KNL1: variants seen among roughly 807,000 people sequenced by gnomAD.
KNL1 encodes outer kinetochore KNL1 complex subunit KNL1.
KNL1 carries 66 observed loss-of-function variants against 201.3 expected under a neutral mutation model. The ratio of observed to expected loss-of-function variants is 0.33; its 90% CI spans 0.27 to 0.40. The LOEUF (loss-of-function observed/expected upper bound fraction) is 0.40, where lower values mean the gene tolerates loss of function less well. Among genes scored for constraint, KNL1 ranks in the 10% least tolerant of loss-of-function variants. The pLI is 1.00. For synonymous variants in KNL1, 895 were observed against 899.2 expected, an observed-to-expected ratio of 1.00 and a Z score of 0.08; for missense variants, 2,815 against 2,690.5, an observed-to-expected ratio of 1.05 and a Z score of -1.02.
intron 7 of KNL1, among the ~76,000 whole-genome samples, chr15:40,614,000 G>A (rs931706576): frequency 1.3e-5 from 2 of 151,016 alleles, no homozygotes; most frequent in Non-Finnish European, 2.9e-5. Context: ...GGGTTTCACT[G>A]TGTTAGCCAG....
chr15:40,618,333 T>G (rs1892410166), intron 8 of KNL1, among the ~76,000 whole-genome samples: 1 of 152,116 alleles, frequency 6.6e-6, no homozygotes, highest in Admixed American at 6.6e-5. Flanking sequence ...ACTATTTTTC[T>G]AAAATGCATT....
At chr15:40,632,785 C>T (rs1488045077) in intron 13 of KNL1, among the ~76,000 whole-genome samples, 3 of 151,606 alleles carry the variant, frequency 2.0e-5, no homozygotes. Context: ...TTTGAGGGGC[C>T]TAGACTAGAG....
rs1270581748 is a variant in KNL1 at position 40,621,988 on chromosome 15, C to A, written c.1724C>A (p.Thr575Asn). Reference protein sequence around the residue: ...ELLSGENMDLTESHTSNLGSQ... With the variant: ...ELLSGENMDLNESHTSNLGSQ... ...TTATCAGGTGAAAATATGGATTTGACTGAAAGTCACACAAGTAACTTAGGA... is the reference window on the plus strand; with the variant it reads ...TTATCAGGTGAAAATATGGATTTGAATGAAAGTCACACAAGTAACTTAGGA... The change falls in exon 10 of 26, where the codon ACT (threonine) becomes AAT (asparagine). Residue 575 changes from threonine to asparagine, a missense_variant. Physicochemically the swap from Thr to Asn is moderately conservative, Grantham distance 65. Around this residue, in one of 3 missense-constraint regions of KNL1, gnomAD observed 2,464 missense variants for 2,291.7 expected, o/e 1.08. Coordinates refer to ENST00000399668, the MANE Select transcript of KNL1 (RefSeq NM_144508.5). 3 of 1,613,898 alleles carry A rather than the reference C, an allele frequency of 1.9e-6. No individual in the cohort carries two copies. The African/African-American group carries it at 4.0e-5, about 22-fold the overall frequency.
intron 4 of KNL1, among the ~76,000 whole-genome samples, chr15:40,607,363 T>C (rs2141702415): frequency 6.6e-6 from 1 of 152,326 alleles, no homozygotes; most frequent in African/African-American, 2.4e-5. Context: ...TTAGTCCCAG[T>C]GTTTACCATG....
chr15:40,622,128 C>T lies in KNL1; in HGVS notation c.1864C>T (p.Pro622Ser), dbSNP rs1892557518. 6.2e-7 allele frequency: 1 copy of T among 1,614,090 alleles called. No homozygotes were observed. Among genetic ancestry groups the T allele is most frequent in the Non-Finnish European group, 8.5e-7 (1 of 1,179,974 alleles). ...CEEITKSRNE[P>S]FQRSDIIAKN... is the part of the protein sequence containing the mutation. ...AGAAATTACCAAAAGTCGTAATGAA[C>T]CATTTCAGCGATCAGACATAATAGC... Residue 622 changes from proline to serine, a missense_variant, in exon 10 of 26, where the codon CCA becomes TCA. By Grantham distance (74) the Pro-to-Ser change is moderately conservative (BLOSUM62 -1). Transcript: ENST00000399668.
chr15:40,662,223 T>TA lies in KNL1; in HGVS notation c.*35_*36insA. The TA allele has an allele frequency of 8.5e-7, 1 of 1,174,728 alleles. No homozygotes were observed. 72.8% of individuals were successfully genotyped at this position (1,174,728 alleles called of 1,614,324 possible). On this transcript the variant is annotated 3_prime_UTR_variant, in exon 26 of 26. Transcript: ENST00000399668. ...CCACCATTGGAACAACCAAGCAGAATGTACTTGATATTATTTCAGGGTCCC... is the reference window on the plus strand; with the variant it reads ...CCACCATTGGAACAACCAAGCAGAATAGTACTTGATATTATTTCAGGGTCCC...
chr15:40,634,598 C>G (rs1893003315), intron 13 of KNL1, among the ~76,000 whole-genome samples: 1 of 152,078 alleles, frequency 6.6e-6, no homozygotes, highest in Non-Finnish European at 1.5e-5. Flanking sequence ...AGCCTCATTA[C>G]CATGATAGCT....
intron 8 of KNL1, among the ~76,000 whole-genome samples, chr15:40,616,372 C>T (rs1269552280): frequency 6.6e-6 from 1 of 151,994 alleles, no homozygotes; most frequent in African/African-American, 2.4e-5. Context: ...GGTGATCCAC[C>T]CGCCTCGGCC....
At chr15:40,638,808 CTTTCTTTCTTTTTTTTT>C (rs1487735732) in intron 13 of KNL1, among the ~76,000 whole-genome samples, 4 of 143,284 alleles carry the variant, frequency 2.8e-5, no homozygotes, top group South Asian at 2.2e-4. Context: ...TCTTTTTTTT[CTTTCTTTCTTTTTTTTT>C]TTTGAGACGC....
Position 40,633,020 on chromosome 15 carries a change from CAG to C in KNL1, c.5682+3650_5682+3651del, listed in dbSNP as rs530719919. 6.2e-4 allele frequency among the ~76,000 whole-genome samples: 95 copies of C among 152,192 alleles called. 1 individual carries two copies. The highest frequency in any genetic ancestry group is 6.8e-3 in the Middle Eastern group (2 of 294). ...TGGTTAACAACGGACCACATATACA[CAG>C]GGGGTCCCATAGGATTTTTATGGAG... On this transcript the variant is annotated intron_variant, in intron 13 of 25. Coordinates refer to ENST00000399668, the MANE Select transcript of KNL1 (RefSeq NM_144508.5).
chr15:40,621,305 G>C lies in KNL1; in HGVS notation c.1041G>C (p.Met347Ile). Residue 347 changes from methionine (M) to isoleucine (I), a missense_variant, in exon 10 of 26, where the codon ATG becomes ATC. Coordinates refer to ENST00000399668, the MANE Select transcript of KNL1 (RefSeq NM_144508.5). Reference protein sequence around the residue: ...SEIENQTQNAMDVTTGYGTKA... With the variant: ...SEIENQTQNAIDVTTGYGTKA... ...TAGAAAATCAAACTCAGAATGCCAT[G>C]GATGTAACAACAGGTTATGGAACTA... 6.2e-7 allele frequency: 1 copy of C among 1,613,888 alleles called. No individual in the cohort carries two copies. The highest frequency in any genetic ancestry group is 8.5e-7 in the Non-Finnish European group (1 of 1,179,922).
intron 13 of KNL1, among the ~76,000 whole-genome samples, chr15:40,639,608 A>G (rs1893161349): frequency 1.3e-5 from 2 of 151,868 alleles, no homozygotes; most frequent in South Asian, 4.2e-4. Flanking sequence ...AGGAAAAAAA[A>G]AATTTTTTTT....
intron 21 of KNL1, among the ~76,000 whole-genome samples, chr15:40,652,760 C>CAAAAA (rs3986318): frequency 6.9e-5 from 8 of 116,722 alleles, no homozygotes; most frequent in African/African-American, 9.6e-5. Flanking sequence ...AAAACTGTCT[C>CAAAAA]AAAAAAAAAA....
At chr15:40,641,736 T>C (rs1893234844) in intron 14 of KNL1, among the ~76,000 whole-genome samples, 1 of 152,216 alleles carries the variant, frequency 6.6e-6, no homozygotes, top group Non-Finnish European at 1.5e-5. Flanking sequence ...TCCAAAACAC[T>C]TCTGGTCCCA....
At chr15:40,594,998 G>A (rs535373394) in intron 1 of KNL1, among the ~76,000 whole-genome samples, 1 of 152,320 alleles carries the variant, frequency 6.6e-6, no homozygotes. Flanking sequence ...CAGGATTTAA[G>A]CCCTTATTCT....
chr15:40,634,085 T>TTTG lies in KNL1; in HGVS notation c.5682+4732_5682+4734dup, dbSNP rs549099539. On this transcript the variant is annotated intron_variant, in intron 13 of 25. Coordinates refer to ENST00000399668, the MANE Select transcript of KNL1 (RefSeq NM_144508.5). ...AATGTGTGTGTTTGTATTTTAGGTT[T>TTTG]TTGTTGTTGTTGTTGTTGTTTGTTT... is the stretch of plus-strand genomic sequence containing the variant. Among the ~76,000 whole-genome samples, 381 of 152,072 alleles carry TTTG rather than the reference T, an allele frequency of 2.5e-3. 2 individuals are homozygous for TTTG. Among genetic ancestry groups the TTTG allele is most frequent in the African/African-American group, 8.2e-3 (342 of 41,486 alleles).
In KNL1 at chr15:40,624,717, A is replaced by G; in HGVS notation, c.4453A>G (p.Ile1485Val). ...TATTATAGAAAATTCCTCTGCACCCATATGTGAAAACAAGCCCAAAATACT... is the reference window on the plus strand; with the variant it reads ...TATTATAGAAAATTCCTCTGCACCCGTATGTGAAAACAAGCCCAAAATACT... ...LNIIENSSAP[I>V]CENKPKILNS... The change falls in exon 10 of 26, where the codon ATA becomes GTA. Residue 1485 changes from isoleucine (I) to valine (V), a missense_variant. This residue lies in a region of KNL1 where 2,464 missense variants were observed against 2,291.7 expected (regional missense o/e 1.08). Transcript: ENST00000399668. 2 of 1,613,524 alleles carry G rather than the reference A, an allele frequency of 1.2e-6. No individual in the cohort carries two copies. The highest frequency in any genetic ancestry group is 1.3e-5 in the African/African-American group (1 of 74,980).
chr15:40,616,642 AGTT>A (rs1478896105), intron 8 of KNL1, among the ~76,000 whole-genome samples: 2 of 152,118 alleles, frequency 1.3e-5, no homozygotes, highest in Non-Finnish European at 2.9e-5. Context: ...CTTTAATTCA[AGTT>A]GTTATTATTT....
In KNL1 at chr15:40,624,039, A is replaced by G. The variant is rs17747633; in HGVS notation, c.3775A>G (p.Lys1259Glu). The change falls in exon 10 of 26, where the codon AAA becomes GAA. Residue 1259 changes from lysine to glutamate, a missense_variant. By Grantham distance (56) the Lys-to-Glu change is moderately conservative. Around this residue, in one of 3 missense-constraint regions of KNL1, gnomAD observed 2,464 missense variants for 2,291.7 expected, o/e 1.08. Coordinates refer to ENST00000399668, the MANE Select transcript of KNL1 (RefSeq NM_144508.5). The stretch of plus-strand genomic sequence containing the variant: ...TGCTATGGATGAAAAGGTCATAGGG[A>G]AAGTTGTAGACCAGGCCTGTACATT... ...SAAMDEKVIG[K>E]VVDQACTLEK... 638,929 of 1,613,648 alleles carry G rather than the reference A, an allele frequency of 0.4. 136,887 individuals are homozygous for G. The highest frequency in any genetic ancestry group is 0.45 in the Non-Finnish European group (528,449 of 1,179,702).
Sources: gnomAD v4.1 joint callset for allele counts (sites outside exome capture counted in the v4.1 genomes callset) on GRCh38, gnomAD v4.1.1 for gene constraint, gnomAD v4.1.1 regional missense constraint, MANE v1.5 for transcripts, NCBI Gene and HGNC (gene_info 2026-07-23, HGNC 2026-07-21) for gene names.